The following EXOC4 variants were observed in gnomAD, a reference collection of about 807,000 sequenced individuals.
The protein encoded by EXOC4 is SEC8-like 1.
A neutral mutation model predicts 107.2 loss-of-function variants in EXOC4; 71 were observed. The ratio of observed to expected loss-of-function variants is 0.66; its 90% CI spans 0.55 to 0.81. The LOEUF (loss-of-function observed/expected upper bound fraction) is 0.81. EXOC4 is among the 30% of genes least tolerant of loss of function. EXOC4 has a pLI of 0.00. For synonymous variants in EXOC4, 456 were observed against 441.2 expected, an observed-to-expected ratio of 1.03 and a Z score of -0.42; for missense variants, 1,108 against 1,189.6, an observed-to-expected ratio of 0.93 and a Z score of 1.01.
At chr7:133,951,055 TGACA>T (rs1800678482) in intron 14 of EXOC4, among the ~76,000 whole-genome samples, 1 of 152,216 alleles carries the variant, frequency 6.6e-6, no homozygotes, top group African/African-American at 2.4e-5. Context: ...CATGGGTCAC[TGACA>T]GACAGATGGC....
chr7:133,394,805 G>A (rs1293615147), intron 7 of EXOC4, among the ~76,000 whole-genome samples: 3 of 151,844 alleles, frequency 2.0e-5, no homozygotes, highest in Non-Finnish European at 2.9e-5. Context: ...TTAATTTCAA[G>A]CTTCAAGTGA....
chr7:134,095,379 A>G, the EXOC4 span, among the ~76,000 whole-genome samples: 1 of 152,224 alleles, frequency 6.6e-6, no homozygotes, highest in African/African-American at 2.4e-5. Flanking sequence ...CAATGTTATT[A>G]AAATGGCCAT....
At chr7:133,311,661 C>T (rs1459177954) in intron 4 of EXOC4, among the ~76,000 whole-genome samples, 2 of 151,974 alleles carry the variant, frequency 1.3e-5, no homozygotes, top group African/African-American at 4.8e-5. Flanking sequence ...ATGGTTTAAC[C>T]ATTAAAAAAC....
chr7:133,379,154 G>A (rs1353747767), intron 7 of EXOC4, among the ~76,000 whole-genome samples: 2 of 151,942 alleles, frequency 1.3e-5, no homozygotes, highest in Non-Finnish European at 2.9e-5. Flanking sequence ...ACACACACAT[G>A]CATTTTTCTT....
At chr7:133,487,433 G>T (rs975470593) in intron 9 of EXOC4, among the ~76,000 whole-genome samples, 1 of 152,124 alleles carries the variant, frequency 6.6e-6, no homozygotes, top group Non-Finnish European at 1.5e-5. Flanking sequence ...TTATGGCTGC[G>T]CATGGTGGCT....
At chr7:133,342,225 G>C (rs1173063128) in intron 5 of EXOC4, among the ~76,000 whole-genome samples, 4 of 151,998 alleles carry the variant, frequency 2.6e-5, no homozygotes, top group Non-Finnish European at 5.9e-5. Context: ...TTCTTGTGGT[G>C]GCTTAGTAGT....
intron 9 of EXOC4, among the ~76,000 whole-genome samples, chr7:133,560,227 T>C (rs1800780072): frequency 6.6e-6 from 1 of 152,160 alleles, no homozygotes; most frequent in South Asian, 2.1e-4. Flanking sequence ...TGGGAATATA[T>C]TGAATTTATA....
intron 7 of EXOC4, among the ~76,000 whole-genome samples, chr7:133,395,176 G>A (rs1478851255): frequency 6.6e-6 from 1 of 151,220 alleles, no homozygotes; most frequent in East Asian, 1.9e-4. Flanking sequence ...TCGTGAAAGG[G>A]TAAATGCAAC....
In EXOC4 at chr7:133,462,415, G is replaced by A. The variant is rs191422328; in HGVS notation, c.1183-12913G>A. Among the ~76,000 whole-genome samples the A allele has an allele frequency of 4.1e-3, 625 of 152,268 alleles. 3 individuals carry two copies. The highest frequency in any genetic ancestry group is 0.034 in the Middle Eastern group (10 of 294). ...AAGATAGAGGCACATAGTTGTCATC[G>A]TAAGACCAAGGGGAAGTGACATAAA... On this transcript the variant is annotated intron_variant, in intron 7 of 17. Transcript: ENST00000253861.
intron 7 of EXOC4, among the ~76,000 whole-genome samples, chr7:133,451,433 A>G (rs1283430540): frequency 1.3e-5 from 2 of 152,068 alleles, no homozygotes; most frequent in African/African-American, 4.8e-5. Context: ...TTCAAATTTA[A>G]ATGTGCTTTG....
the EXOC4 span, among the ~76,000 whole-genome samples, chr7:134,096,655 A>G: frequency 6.6e-6 from 1 of 152,178 alleles, no homozygotes; most frequent in Non-Finnish European, 1.5e-5. Context: ...GTTAAGTCCA[A>G]GAGTCCAAAA....
chr7:133,876,221 GGTGTGTGTGTGTGT>G (rs10605200), intron 11 of EXOC4, among the ~76,000 whole-genome samples: 4 of 147,194 alleles, frequency 2.7e-5, no homozygotes, highest in Admixed American at 1.4e-4. Flanking sequence ...AGAATGAAGA[GGTGTGTGTGTGTGT>G]GTGTGTGTGT....
chr7:133,547,719 T>C lies in EXOC4; in HGVS notation c.1417+67581T>C, dbSNP rs1006134759. Among the ~76,000 whole-genome samples the C allele has an allele frequency of 2.6e-5, 4 of 152,150 alleles. No individual in the cohort carries two copies. In the East Asian group the frequency reaches 7.7e-4, roughly 29 times the overall value. On this transcript the variant is annotated intron_variant, in intron 9 of 17. Transcript: ENST00000253861. Reference sequence around the variant, plus strand: ...TGCTTGACTATAAAAACTCCTTGTTTGTTCAAGTTTTATCATGAGATTGTA... The same window carrying C: ...TGCTTGACTATAAAAACTCCTTGTTCGTTCAAGTTTTATCATGAGATTGTA...
At chr7:133,976,882 G>A (rs1793847911) in intron 14 of EXOC4, among the ~76,000 whole-genome samples, 1 of 152,160 alleles carries the variant, frequency 6.6e-6, no homozygotes, top group African/African-American at 2.4e-5. Flanking sequence ...ATCCAGCAAG[G>A]GAACATGCAA....
chr7:133,364,546 C>T (rs1424561531), intron 6 of EXOC4, among the ~76,000 whole-genome samples: 1 of 152,126 alleles, frequency 6.6e-6, no homozygotes, highest in African/African-American at 2.4e-5. Flanking sequence ...GGACCCACAT[C>T]ACCAGTGTCA....
At chr7:133,857,472 A>G (rs1798440948) in intron 11 of EXOC4, among the ~76,000 whole-genome samples, 1 of 110,668 alleles carries the variant, frequency 9.0e-6, no homozygotes, top group African/African-American at 3.5e-5. Context: ...CCTCTGCTTG[A>G]GTTTCACTCA....
At chr7:133,830,769 A>G (rs1176955763) in intron 11 of EXOC4, among the ~76,000 whole-genome samples, 3 of 152,322 alleles carry the variant, frequency 2.0e-5, no homozygotes, top group Admixed American at 6.5e-5. Context: ...CAATATTGAC[A>G]CATTATTATT....
At chr7:133,679,810 C>T (rs1203761326) in intron 10 of EXOC4, among the ~76,000 whole-genome samples, 1 of 152,154 alleles carries the variant, frequency 6.6e-6, no homozygotes, top group Non-Finnish European at 1.5e-5. Flanking sequence ...AAAGATTGCT[C>T]ATAAATGGCC....
chr7:134,097,666 G>A, the EXOC4 span, among the ~76,000 whole-genome samples: 315 of 152,232 alleles, frequency 2.1e-3, no homozygotes, highest in Middle Eastern at 0.01. Flanking sequence ...CACATTGACT[G>A]GAAATCTACC....
Sources: gnomAD v4.1 joint callset for allele counts (sites outside exome capture counted in the v4.1 genomes callset) on GRCh38, gnomAD v4.1.1 for gene constraint, MANE v1.5 for transcripts, NCBI Gene and HGNC (gene_info 2026-07-23, HGNC 2026-07-21) for gene names.